ANO4: variants seen among roughly 807,000 people sequenced by gnomAD.
ANO4 encodes anoctamin-4.
In ANO4, 69 loss-of-function variants were observed where a neutral mutation model predicts 141.9. That is an observed-to-expected ratio of 0.49 (90% CI 0.40 to 0.59). The LOEUF (loss-of-function observed/expected upper bound fraction) is 0.59, where lower values mean the gene tolerates loss of function less well. Among genes scored for constraint, ANO4 ranks in the 20% least tolerant of loss-of-function variants. ANO4 has a pLI of 0.00. For missense variants in ANO4, 894 were observed against 1,162.2 expected, an observed-to-expected ratio of 0.77 and a Z score of 3.36; for synonymous variants, 350 against 394.3, an observed-to-expected ratio of 0.89 and a Z score of 1.33.
At position 101,120,635 on chromosome 12, in the gene ANO4, C is replaced by T; in HGVS notation, c.2676+10C>T. The T allele has an allele frequency of 6.2e-7, 1 of 1,604,952 alleles. No individual in the cohort carries two copies. Among genetic ancestry groups the T allele is most frequent in the Non-Finnish European group, 8.5e-7 (1 of 1,171,852 alleles). ...TATCATTGTCTTTGAGGTAAGTTTC[C>T]TCAGCCAAATTCTTTATTTCCTTTG... On this transcript the variant is annotated intron_variant, in intron 26 of 27. Coordinates refer to ENST00000392977, the MANE Select transcript of ANO4 (RefSeq NM_001286615.2).
rs1283435379 is a variant in ANO4 at position 100,751,988 on chromosome 12, TATC to T, written c.358+11886_358+11888del. Among the ~76,000 whole-genome samples the T allele has an allele frequency of 3.3e-5, 5 of 152,224 alleles. No homozygotes were observed. In the South Asian group the frequency reaches 8.3e-4, roughly 25 times the overall value. ...GGCTTGTCTTCTCAGCTTTGTGACTTATCATGTTACCTTCACACTAAAGACTTA... is the reference window on the plus strand; with the variant it reads ...GGCTTGTCTTCTCAGCTTTGTGACTTATGTTACCTTCACACTAAAGACTTA... On this transcript the variant is annotated intron_variant, in intron 3 of 29. Coordinates refer to the ANO4 transcript ENST00000644049.
At chr12:100,767,742 A>G (rs1334939583) in intron 3 of ANO4, among the ~76,000 whole-genome samples, 1 of 152,254 alleles carries the variant, frequency 6.6e-6, no homozygotes, top group African/African-American at 2.4e-5. Flanking sequence ...ATATTAGACC[A>G]TGGATTACTG....
intron 3 of ANO4, among the ~76,000 whole-genome samples, chr12:100,758,931 T>C (rs1042915569): frequency 6.6e-6 from 1 of 152,146 alleles, no homozygotes; most frequent in Non-Finnish European, 1.5e-5. Context: ...TTCTGTCTCT[T>C]ATACAAACAC....
intron 14 of ANO4, among the ~76,000 whole-genome samples, chr12:101,065,455 A>G (rs1358106715): frequency 6.6e-6 from 1 of 152,232 alleles, no homozygotes; most frequent in African/African-American, 2.4e-5. Context: ...CAGAAATTCA[A>G]ATAATTATTA....
chr12:100,738,895 A>C (rs1371371112), intron 2 of ANO4, among the ~76,000 whole-genome samples: 2 of 151,486 alleles, frequency 1.3e-5, no homozygotes, highest in Non-Finnish European at 2.9e-5. Flanking sequence ...TGTATATTAA[A>C]TCTCTAGACT....
chr12:101,034,945 T>C (rs1194910357), intron 9 of ANO4, among the ~76,000 whole-genome samples: 1 of 152,202 alleles, frequency 6.6e-6, no homozygotes, highest in Non-Finnish European at 1.5e-5. Context: ...ATGCTGCTGA[T>C]GGAAATGTAA....
At chr12:100,786,405 C>T (rs1181099504) in intron 3 of ANO4, among the ~76,000 whole-genome samples, 3 of 152,086 alleles carry the variant, frequency 2.0e-5, no homozygotes, top group African/African-American at 7.2e-5. Flanking sequence ...CTTGTAAGCC[C>T]CAGTCTTGCC....
intron 6 of ANO4, among the ~76,000 whole-genome samples, chr12:100,974,557 A>C (rs1000875239): frequency 2.0e-5 from 3 of 152,072 alleles, no homozygotes; most frequent in Admixed American, 2.0e-4. Flanking sequence ...AATCACTCCA[A>C]ATTATCATAC....
chr12:100,847,131 A>G (rs1042592815), intron 1 of ANO4, among the ~76,000 whole-genome samples: 2 of 152,182 alleles, frequency 1.3e-5, no homozygotes, highest in African/African-American at 4.8e-5. Flanking sequence ...TTTTACCAGT[A>G]TGTGAAGTGA....
chr12:101,035,890 A>G (rs2047172324), intron 9 of ANO4, among the ~76,000 whole-genome samples: 1 of 152,146 alleles, frequency 6.6e-6, no homozygotes, highest in African/African-American at 2.4e-5. Context: ...TTGGAAAACT[A>G]CCTGTCAGTA....
intron 2 of ANO4, among the ~76,000 whole-genome samples, chr12:100,734,164 A>G (rs2031510013): frequency 6.6e-6 from 1 of 152,236 alleles, no homozygotes; most frequent in Non-Finnish European, 1.5e-5. Flanking sequence ...TGCACTTGAT[A>G]GTACAATCGA....
chr12:101,029,369 TAAAAG>T (rs1244480247), intron 9 of ANO4, among the ~76,000 whole-genome samples: 1 of 152,136 alleles, frequency 6.6e-6, no homozygotes, highest in African/African-American at 2.4e-5. Flanking sequence ...ATGCCCCAAT[TAAAAG>T]ACAGACAGGA....
chr12:101,024,920 T>C (rs2046671996), intron 9 of ANO4, among the ~76,000 whole-genome samples: 1 of 152,234 alleles, frequency 6.6e-6, no homozygotes, highest in Non-Finnish European at 1.5e-5. Context: ...CCTCCATCAA[T>C]GAAAAGTGAA....
intron 3 of ANO4, among the ~76,000 whole-genome samples, chr12:100,753,840 G>A (rs2032492422): frequency 6.6e-6 from 1 of 152,136 alleles, no homozygotes; most frequent in Admixed American, 6.6e-5. Context: ...ATTTAGCTCT[G>A]AATTTCTGGT....
chr12:101,111,429 T>G, intron 23 of ANO4, 134 bp from the exon 24 acceptor site: 1 of 771,986 alleles, frequency 1.3e-6, no homozygotes, highest in Non-Finnish European at 1.9e-6. Context: ...TCTTTCCTCC[T>G]GGTTGCAACT....
chr12:101,116,288 A>G (rs1395984007), intron 24 of ANO4, among the ~76,000 whole-genome samples: 2 of 152,228 alleles, frequency 1.3e-5, no homozygotes, highest in Non-Finnish European at 2.9e-5. Context: ...CATATTTGGA[A>G]CATTTTGAGA....
At chr12:101,056,862 TA>T (rs1251992833) in intron 14 of ANO4, among the ~76,000 whole-genome samples, 1 of 151,298 alleles carries the variant, frequency 6.6e-6, no homozygotes, top group African/African-American at 2.4e-5. Flanking sequence ...TTCTTTCTTT[TA>T]TTTTTTTATA....
chr12:100,858,810 T>C (rs1371338678), intron 1 of ANO4, among the ~76,000 whole-genome samples: 1 of 152,114 alleles, frequency 6.6e-6, no homozygotes, highest in Non-Finnish European at 1.5e-5. Flanking sequence ...CCTGCTTCTT[T>C]TTCTGCTTCC....
At chr12:100,832,848 G>T (rs1323804240) in intron 1 of ANO4, among the ~76,000 whole-genome samples, 2 of 151,954 alleles carry the variant, frequency 1.3e-5, no homozygotes, top group Admixed American at 1.3e-4. Flanking sequence ...AAGAAAACAT[G>T]GTTTCAATCA....
Sources: allele counts gnomAD v4.1 joint callset (sites outside exome capture counted in the v4.1 genomes callset), GRCh38; gene constraint gnomAD v4.1.1; transcripts MANE v1.5; gene names NCBI Gene and HGNC (gene_info 2026-07-23, HGNC 2026-07-21).